Variants in INO80D observed in about 807,000 individuals in gnomAD.
INO80D encodes the protein INO80 complex subunit D.
A neutral mutation model predicts 87.6 loss-of-function variants in INO80D; 21 were observed. The ratio of observed to expected loss-of-function variants is 0.24; its 90% CI spans 0.17 to 0.35. The LOEUF (loss-of-function observed/expected upper bound fraction) is 0.35. INO80D is among the 10% of genes least tolerant of loss of function. The pLI, the probability that INO80D is intolerant of heterozygous loss-of-function variation, is 1.00. For synonymous variants in INO80D, 440 were observed against 491.0 expected (o/e 0.90, Z 1.37); for missense variants, 982 against 1,280.7 (o/e 0.77, Z 3.56).
chr2:206,030,685 G>T (rs928566442), intron 5 of INO80D, among the ~76,000 whole-genome samples: 3 of 152,176 alleles, frequency 2.0e-5, no homozygotes, highest in African/African-American at 7.2e-5. Flanking sequence ...TAGCTTTCTA[G>T]ACTTAAATGT....
In INO80D at chr2:206,004,581, C is replaced by A. The variant is rs763052647; in HGVS notation, c.2871G>T (p.Gly957=). Residue 957 remains glycine (G), a synonymous_variant, in exon 11 of 11, where the codon GGG becomes GGT. Coordinates refer to ENST00000403263, the MANE Select transcript of INO80D (RefSeq NM_017759.5). The surrounding 1 kb of genome is among the most constrained non-coding windows in gnomAD (Gnocchi z 4.9). ...GLPQTSFSGM[G]PSAELMASTS... ...TGGAGGCCATTAGTTCAGCAGAAGG[C>A]CCCATGCCACTGAAGCTGGTCTGTG... 7 of 1,611,130 alleles carry A rather than the reference C, an allele frequency of 4.3e-6. No homozygotes were observed. In the African/African-American group the frequency reaches 9.4e-5, roughly 22 times the overall value.
intron 9 of INO80D, among the ~76,000 whole-genome samples, chr2:206,008,841 G>A (rs7563913): frequency 0.13 from 19,876 of 152,104 alleles, 1,638 homozygotes; most frequent in South Asian, 0.19. Flanking sequence ...TTTCAAATCT[G>A]GTTGAAATAA....
At chr2:206,039,810 C>CAAAAAAAAAAA (rs35689223) in intron 5 of INO80D, among the ~76,000 whole-genome samples, 1 of 101,108 alleles carries the variant, frequency 9.9e-6, no homozygotes. Flanking sequence ...CCTCTGTCTC[C>CAAAAAAAAAAA]AAAAAAAAAA....
intron 1 of INO80D, among the ~76,000 whole-genome samples, chr2:206,084,437 G>T (rs139465527): frequency 7.2e-4 from 109 of 152,216 alleles, no homozygotes; most frequent in African/African-American, 2.4e-3. Context: ...CAGAATAAAT[G>T]AACTACTGAT....
At chr2:206,071,491 C>T (rs949110506) in intron 1 of INO80D, among the ~76,000 whole-genome samples, 3 of 138,706 alleles carry the variant, frequency 2.2e-5, no homozygotes, top group South Asian at 2.5e-4. Context: ...ATTTATTCTC[C>T]GACAGCTTCA....
chr2:206,011,112 T>C (rs932587708), intron 8 of INO80D, among the ~76,000 whole-genome samples: 3 of 149,202 alleles, frequency 2.0e-5, no homozygotes, highest in Non-Finnish European at 3.0e-5. Flanking sequence ...CTTCTCAGAC[T>C]CTGTAGTTCT....
chr2:206,066,880 A>G (rs776654616), intron 1 of INO80D, among the ~76,000 whole-genome samples: 5 of 152,176 alleles, frequency 3.3e-5, no homozygotes, highest in Non-Finnish European at 7.4e-5. Flanking sequence ...ATCTTAAGTG[A>G]AATAAATAAG....
At chr2:206,063,826 C>T (rs998255359) in intron 1 of INO80D, 22 of 152,218 alleles carry the variant, frequency 1.4e-4, no homozygotes, top group African/African-American at 5.3e-4. Context: ...GGTAGCAGGT[C>T]TCTTTTTCAT....
intron 5 of INO80D, among the ~76,000 whole-genome samples, chr2:206,031,623 G>A (rs576531528): frequency 1.3e-5 from 2 of 152,376 alleles, no homozygotes; most frequent in African/African-American, 4.8e-5. Context: ...GGGTGCCCCA[G>A]ATGGCACTTT....
rs995674341 is a variant in INO80D, at chr2:206,086,064, G to T, written c.-287C>A. 1.3e-5 allele frequency: 2 copies of T among 152,232 alleles called. No homozygotes were observed. Among genetic ancestry groups the T allele is most frequent in the African/African-American group, 2.4e-5 (1 of 41,454 alleles). 9.4% of individuals were successfully genotyped at this position (152,232 alleles called of 1,614,324 possible). On this transcript the variant is annotated 5_prime_UTR_variant, in exon 1 of 11. Coordinates refer to ENST00000403263, the MANE Select transcript of INO80D (RefSeq NM_017759.5). The stretch of plus-strand genomic sequence containing the variant: ...TTCCCTGTCAAGCAAGAGGGGTGAG[G>T]ATCATATTTTTATTTTGGAAACTAA...
At chr2:206,022,320 T>A (rs995806039) in intron 6 of INO80D, among the ~76,000 whole-genome samples, 2 of 151,300 alleles carry the variant, frequency 1.3e-5, no homozygotes, top group African/African-American at 4.9e-5. Flanking sequence ...TGAGCCGAGA[T>A]CACACCATTG....
rs996430914 is a variant in INO80D, at chr2:205,999,484, A to G, written c.*4884T>C. 6.6e-6 allele frequency: 1 copy of G among 152,172 alleles called. No homozygotes were observed. Among genetic ancestry groups the G allele is most frequent in the Non-Finnish European group, 1.5e-5 (1 of 68,032 alleles). 9.4% of individuals were successfully genotyped at this position (152,172 alleles called of 1,614,324 possible). On this transcript the variant is annotated 3_prime_UTR_variant, in exon 11 of 11. Transcript: ENST00000403263. ...ACATAGGGTAAAAAAGTCATACCCA[A>G]TTTGCTTGCTCTCTCTCTGAAACGT...
intron 8 of INO80D, among the ~76,000 whole-genome samples, chr2:206,014,733 GAA>G (rs749933122): frequency 6.6e-6 from 1 of 152,076 alleles, no homozygotes; most frequent in Non-Finnish European, 1.5e-5. Flanking sequence ...GGGTGCTGCT[GAA>G]AAGATACCCA....
chr2:206,063,169 C>T lies in INO80D; in HGVS notation c.-48G>A. On this transcript the variant is annotated 5_prime_UTR_variant, in exon 2 of 11. Coordinates refer to ENST00000403263, the MANE Select transcript of INO80D (RefSeq NM_017759.5). ...GCCATACCTGATTTTAAATCTTCTG[C>T]ACCATAGCAATGTTAAGAGAACCCC... 1.5e-6 allele frequency: 1 copy of T among 647,334 alleles called. No homozygotes were observed. The highest frequency in any genetic ancestry group is 1.9e-5 in the South Asian group (1 of 53,752). The allele number at this position is 647,334 out of a possible 1,614,324, so 40.1% of individuals were successfully genotyped here.
At chr2:206,019,595 G>A (rs1334748283) in intron 7 of INO80D, 141 bp downstream of exon 7, 1 of 643,988 alleles carries the variant, frequency 1.6e-6, no homozygotes, top group African/African-American at 1.8e-5. Context: ...AGGACATCAT[G>A]AAAATTATGT....
At chr2:206,016,978 A>C (rs1688336105) in intron 8 of INO80D, among the ~76,000 whole-genome samples, 1 of 152,176 alleles carries the variant, frequency 6.6e-6, no homozygotes, top group Admixed American at 6.5e-5. Context: ...TCCCAGAGGC[A>C]TGAAAACGGA....
At chr2:206,050,119 C>A (rs545348182) in intron 4 of INO80D, among the ~76,000 whole-genome samples, 4 of 151,442 alleles carry the variant, frequency 2.6e-5, no homozygotes, top group African/African-American at 7.3e-5. Flanking sequence ...GGCAACACAG[C>A]GAGACTCTAT....
intron 10 of INO80D, 53 bp downstream of exon 10, chr2:206,007,231 C>T: frequency 6.6e-7 from 1 of 1,508,030 alleles, no homozygotes; most frequent in Admixed American, 1.8e-5. Context: ...TATTTCTTTT[C>T]TTATAAACTC....
At chr2:206,028,034 G>T in intron 6 of INO80D, 77 bp downstream of exon 6, 1 of 993,562 alleles carries the variant, frequency 1.0e-6, no homozygotes, top group Non-Finnish European at 1.5e-6. Context: ...CTCCCACTGT[G>T]CCTCAACTAT....
Sources: allele counts gnomAD v4.1 joint callset (sites outside exome capture counted in the v4.1 genomes callset), GRCh38; gene constraint gnomAD v4.1.1; non-coding constraint Gnocchi (gnomAD v3.1); transcripts MANE v1.5; gene names NCBI Gene and HGNC (gene_info 2026-07-23, HGNC 2026-07-21).